PCM1: variants seen among roughly 807,000 people sequenced by gnomAD.
PCM1 encodes pericentriolar material 1.
In PCM1, 157 loss-of-function variants were observed where a neutral mutation model predicts 241.9. That is an observed-to-expected ratio of 0.65 (90% CI 0.57 to 0.74). The LOEUF is 0.74. PCM1 is among the 30% of genes least tolerant of loss of function. PCM1 has a pLI of 0.00. For synonymous variants in PCM1, 1,085 were observed against 784.9 expected, an observed-to-expected ratio of 1.38 and a Z score of -6.39; for missense variants, 3,478 against 2,360.1, an observed-to-expected ratio of 1.47 and a Z score of -9.81.
At chr8:17,940,095 T>C in intron 6 of PCM1, 1 of 1,580,912 alleles carries the variant, frequency 6.3e-7, no homozygotes, top group Non-Finnish European at 8.5e-7. Flanking sequence ...CTGTGGGATC[T>C]GGTTCTGTAG....
intron 8 of PCM1, among the ~76,000 whole-genome samples, chr8:17,951,808 T>A (rs1247941505): frequency 6.6e-6 from 1 of 152,202 alleles, no homozygotes. Flanking sequence ...GTTATATTTT[T>A]CTTAAAATAA....
At chr8:17,930,166 T>G (rs1642485199) in intron 2 of PCM1, among the ~76,000 whole-genome samples, 2 of 151,014 alleles carry the variant, frequency 1.3e-5, no homozygotes, top group African/African-American at 4.9e-5. Flanking sequence ...TGCAGTGGTG[T>G]TATCTGGGTT....
At position 17,980,816 on chromosome 8, in the gene PCM1, A is replaced by G. The variant is rs993262437; in HGVS notation, c.4108+61A>G. The G allele has an allele frequency of 6.7e-5, 87 of 1,306,114 alleles. No homozygotes were observed. In the Admixed American group the frequency reaches 1.5e-3, roughly 22 times the overall value. 80.9% of individuals were successfully genotyped at this position (1,306,114 alleles called of 1,614,324 possible). ...GTTTTCAGCTTAGATTTGAAAAGCT[A>G]TAATAAAGCAGGTGTTAAAATTGGT... On this transcript the variant is annotated intron_variant, in intron 24 of 38. Transcript: ENST00000325083.
intron 29 of PCM1, among the ~76,000 whole-genome samples, chr8:17,998,178 C>T (rs569247025): frequency 7.4e-4 from 113 of 152,090 alleles, no homozygotes; most frequent in African/African-American, 2.7e-3. Flanking sequence ...TTATTTGGTC[C>T]CTTTGTTGAG....
chr8:17,960,110 A>T lies in PCM1; in HGVS notation c.2137A>T (p.Thr713Ser). 6.2e-7 allele frequency: 1 copy of T among 1,603,146 alleles called. No individual in the cohort carries two copies. Among genetic ancestry groups the T allele is most frequent in the South Asian group, 1.1e-5 (1 of 89,568 alleles). ...EEDTKQNSNN[T>S]RGNANKTQKD... ...AGACACCAAGCAAAATTCAAATAAC[A>T]CTAGAGGAAATGCCAATAAAACACA... The change falls in exon 14 of 39, where the codon ACT (threonine) becomes TCT (serine). Residue 713 changes from threonine (T) to serine (S), a missense_variant. Physicochemically the swap from Thr to Ser is moderately conservative, Grantham distance 58. Transcript: ENST00000325083.
chr8:18,024,013 T>C (rs1006981251), intron 36 of PCM1, among the ~76,000 whole-genome samples: 2 of 152,186 alleles, frequency 1.3e-5, no homozygotes, highest in African/African-American at 4.8e-5. Flanking sequence ...AAAATTAAAA[T>C]GGAGATCAGG....
chr8:17,960,527 G>GTTTTTGTTTTTTTTT (rs1371772356), intron 15 of PCM1, 83 bp downstream of exon 15: 1 of 412,974 alleles, frequency 2.4e-6, no homozygotes, highest in East Asian at 5.0e-5. Context: ...TTTTGTTTTT[G>GTTTTTGTTTTTTTTT]TTTTTCTTTT....
At chr8:17,930,192 C>T (rs1332396164) in intron 2 of PCM1, among the ~76,000 whole-genome samples, 7 of 151,192 alleles carry the variant, frequency 4.6e-5, no homozygotes, top group Admixed American at 4.6e-4. Context: ...CAAGCTCCGC[C>T]TCCTGGGTTC....
chr8:18,003,950 A>G (rs77842939), intron 29 of PCM1, among the ~76,000 whole-genome samples: 2,393 of 152,128 alleles, frequency 0.016, 53 homozygotes, highest in African/African-American at 0.054. Context: ...TTATTTTAGC[A>G]TTAATAGTAC....
rs769401816 is a variant in PCM1, at chr8:18,011,356, A to C, written c.5340A>C (p.Pro1780=). Residue 1780 remains proline, a synonymous_variant, in exon 33 of 39, where the codon CCA becomes CCC. Transcript: ENST00000325083. ...AAGATGAAGAAAGTGAAGGATGTCC[A>C]GTGTCTATTAGTAAGTTTAAAGGCT... ...QEEDEESEGC[P]VSINLSKAET... The C allele has an allele frequency of 5.0e-6, 8 of 1,590,568 alleles. No homozygotes were observed.
rs2064203499 is a variant in PCM1 at position 17,947,313 on chromosome 8, T to C, written c.911T>C (p.Leu304Pro). ...RALQGRQAALLALQHKAEQAI... is the reference protein window; with the variant it reads ...RALQGRQAALPALQHKAEQAI... Reference sequence around the variant, plus strand: ...CTACAGGGACGGCAGGCTGCACTTCTAGCTCTGCAACATAAAGCAGAGCAA... The same window carrying C: ...CTACAGGGACGGCAGGCTGCACTTCCAGCTCTGCAACATAAAGCAGAGCAA... The change falls in exon 7 of 39, where the codon CTA (leucine) becomes CCA (proline). Residue 304 changes from leucine (L) to proline (P), a missense_variant. Transcript: ENST00000325083. 3 of 1,612,586 alleles carry C rather than the reference T, an allele frequency of 1.9e-6. No individual in the cohort carries two copies. Among genetic ancestry groups the C allele is most frequent in the South Asian group, 1.1e-5 (1 of 90,834 alleles).
intron 29 of PCM1, among the ~76,000 whole-genome samples, chr8:17,999,015 G>A (rs1341579868): frequency 6.6e-6 from 1 of 151,980 alleles, no homozygotes; most frequent in African/African-American, 2.4e-5. Context: ...TGTGGTGAAT[G>A]CTGCCAGGCC....
In PCM1 at chr8:17,960,227, G is replaced by T. The variant is rs572806529; in HGVS notation, c.2192+62G>T. ...AAATTTAGTGCCTGTTTTGGAGAAG[G>T]TGCTCAGCTAGGTACTGTGTTATGT... On this transcript the variant is annotated intron_variant, in intron 14 of 38. Transcript: ENST00000325083. 2.6e-6 allele frequency: 4 copies of T among 1,553,940 alleles called. No individual in the cohort carries two copies. The African/African-American group carries it at 4.1e-5, about 16-fold the overall frequency.
chr8:17,978,607 G>A (rs2079568254), intron 23 of PCM1, among the ~76,000 whole-genome samples: 1 of 152,026 alleles, frequency 6.6e-6, no homozygotes, highest in Admixed American at 6.6e-5. Context: ...CAGGAACCTT[G>A]TACTCAGCCA....
At chr8:18,018,895 TACACATATATATATATAA>T (rs1564428799) in intron 36 of PCM1, among the ~76,000 whole-genome samples, 1,865 of 42,524 alleles carry the variant, frequency 0.044, 35 homozygotes, top group Non-Finnish European at 0.087. Flanking sequence ...CACATATACA[TACACATATATATATATAA>T]ATATATAACA....
chr8:17,929,907 C>G (rs1293032664), intron 2 of PCM1, among the ~76,000 whole-genome samples: 1 of 152,148 alleles, frequency 6.6e-6, no homozygotes, highest in Non-Finnish European at 1.5e-5. Flanking sequence ...AGAATGTGGT[C>G]TCTGTCGCTC....
Position 18,027,637 on chromosome 8 carries a change from A to G in PCM1, c.6050A>G (p.Glu2017Gly), listed in dbSNP as rs1000833736. The change falls in exon 39 of 39, where the codon GAA (glutamate) becomes GGA (glycine). Residue 2017 changes from glutamate (E) to glycine (G), a missense_variant and splice_region_variant. By Grantham distance (98) the Glu-to-Gly change is moderately conservative. Transcript: ENST00000325083. ...AAAGCATTTTTATTCTGTTTTTCAG[A>G]AACGGTGGGAGCCCAGAGTATATGA... ...AGNSETLKEP[E>G]TVGAQSI 3 of 1,575,640 alleles carry G rather than the reference A, an allele frequency of 1.9e-6. No individual in the cohort carries two copies. The African/African-American group carries it at 4.0e-5, about 21-fold the overall frequency.
intron 36 of PCM1, chr8:18,024,878 TAGG>T (rs1372899299): frequency 6.6e-6 from 1 of 152,134 alleles, no homozygotes; most frequent in Non-Finnish European, 1.5e-5. Context: ...AAGGGAGAAC[TAGG>T]AGGGAAAAAA....
intron 2 of PCM1, 87 bp from the exon 3 acceptor site, chr8:17,935,502 G>T (rs1464152293): frequency 1.6e-6 from 1 of 606,630 alleles, no homozygotes; most frequent in Non-Finnish European, 3.0e-6. Context: ...GTGCTTCAAA[G>T]ATTGTATTGC....
Sources: allele counts gnomAD v4.1 joint callset (sites outside exome capture counted in the v4.1 genomes callset), GRCh38; gene constraint gnomAD v4.1.1; transcripts MANE v1.5; gene names NCBI Gene and HGNC (gene_info 2026-07-23, HGNC 2026-07-21).